Variants in GLMN observed in about 807,000 individuals in gnomAD.
GLMN encodes the protein glomulin.
Under a neutral mutation model 87.8 loss-of-function variants are expected in GLMN, and 75 were observed. That is an observed-to-expected ratio of 0.85 (90% CI 0.71 to 1.04). The LOEUF is 1.04. GLMN is among the 50% of genes least tolerant of loss of function. The pLI is 0.00. For missense variants in GLMN, 588 were observed against 658.8 expected (o/e 0.89, Z 1.18); for synonymous variants, 206 against 221.6 (o/e 0.93, Z 0.63).
chr1:92,269,662 C>A, intron 9 of GLMN, 61 bp downstream of exon 9: 1 of 1,097,604 alleles, frequency 9.1e-7, no homozygotes, highest in South Asian at 1.2e-5. Context: ...CTCCGCTGAT[C>A]TTAACAAGGA....
chr1:92,350,012 C>G, the GLMN span, among the ~76,000 whole-genome samples: 44 of 152,136 alleles, frequency 2.9e-4, no homozygotes, highest in Admixed American at 2.9e-3. Flanking sequence ...AGAAAAAAAT[C>G]TGACCAGTTG....
chr1:92,295,863 C>T (rs1429187012), intron 3 of GLMN, among the ~76,000 whole-genome samples: 1 of 152,062 alleles, frequency 6.6e-6, no homozygotes, highest in Non-Finnish European at 1.5e-5. Context: ...TGTAAACATG[C>T]AATAAATATT....
chr1:92,300,401 T>TA (rs1387678164), upstream of GLMN, among the ~76,000 whole-genome samples: 1 of 152,180 alleles, frequency 6.6e-6, no homozygotes, highest in Non-Finnish European at 1.5e-5. Context: ...CATAGACTGT[T>TA]ACATTCCTCT....
At chr1:92,338,667 TA>T in the GLMN span, among the ~76,000 whole-genome samples, 2 of 139,148 alleles carry the variant, frequency 1.4e-5, no homozygotes, top group African/African-American at 2.6e-5. Flanking sequence ...TTTTTTTTTT[TA>T]AAGACAGGGT....
chr1:92,331,841 C>T, the GLMN span, among the ~76,000 whole-genome samples: 1 of 151,480 alleles, frequency 6.6e-6, no homozygotes, highest in Non-Finnish European at 1.5e-5. Context: ...AGAATTTTCT[C>T]AGTTTTTCTT....
At chr1:92,358,716 C>T in the GLMN span, among the ~76,000 whole-genome samples, 17 of 151,880 alleles carry the variant, frequency 1.1e-4, no homozygotes, top group African/African-American at 4.1e-4. Flanking sequence ...GCCTCCCGTG[C>T]AGCTGGGACC....
chr1:92,328,825 C>T, the GLMN span, among the ~76,000 whole-genome samples: 1 of 152,206 alleles, frequency 6.6e-6, no homozygotes, highest in African/African-American at 2.4e-5. Flanking sequence ...ATTCTTTTGT[C>T]CCACAGGGTG....
the GLMN span, among the ~76,000 whole-genome samples, chr1:92,368,564 G>A: frequency 6.6e-6 from 1 of 152,138 alleles, no homozygotes; most frequent in Admixed American, 6.6e-5. Flanking sequence ...TACTTCTGAG[G>A]TTTAGTCAAG....
At chr1:92,336,215 G>T in the GLMN span, 1 of 653,378 alleles carries the variant, frequency 1.5e-6, no homozygotes, top group East Asian at 2.8e-5. Flanking sequence ...CATAACCTAG[G>T]TTAACCTTTA....
the GLMN span, chr1:92,323,548 A>G: frequency 1.8e-5 from 29 of 1,613,644 alleles, no homozygotes; most frequent in Admixed American, 2.0e-4. Flanking sequence ...TAGTTCTTCT[A>G]GCACTCACAG....
the GLMN span, among the ~76,000 whole-genome samples, chr1:92,306,136 T>C: frequency 9.9e-5 from 15 of 152,232 alleles, no homozygotes; most frequent in South Asian, 2.9e-3. Context: ...AAAGGACAAA[T>C]ACTGTATGCT....
At chr1:92,320,557 A>G in the GLMN span, 1 of 1,591,824 alleles carries the variant, frequency 6.3e-7, no homozygotes. Flanking sequence ...GGCATGAGCC[A>G]CCGCACCCGG....
Position 92,262,946 on chromosome 1 carries a change from GTTAC to G in GLMN, c.1410-24_1410-21del, listed in dbSNP as rs769942601. 3.0e-4 allele frequency: 272 copies of G among 905,082 alleles called. No individual in the cohort carries two copies. In the African/African-American group the frequency reaches 3.7e-3, roughly 12 times the overall value. The allele number at this position is 905,082 out of a possible 1,614,324, so 56.1% of individuals were successfully genotyped here. A position where few individuals can be genotyped will look rare whatever the true frequency, so the allele number is the denominator to read the frequency against. On this transcript the variant is annotated intron_variant, in intron 15 of 18. Coordinates refer to ENST00000370360, the MANE Select transcript of GLMN (RefSeq NM_053274.3). Reference sequence around the variant, plus strand: ...ATAATCCTGTTAATTAAAAATATATGTTACTTACAGTATGGTTTTATATAGTCAA... The same window carrying G: ...ATAATCCTGTTAATTAAAAATATATGTTACAGTATGGTTTTATATAGTCAA...
At chr1:92,300,313 T>C (rs1650729171), upstream of GLMN, 33 of 1,182,986 alleles carry the variant, frequency 2.8e-5, no homozygotes, top group Admixed American at 1.5e-4. Flanking sequence ...TTTAAAACAA[T>C]AATGGTTACC....
chr1:92,269,572 G>GTC lies in GLMN; in HGVS notation c.977+149_977+150dup, dbSNP rs1656015733. The GTC allele has an allele frequency of 1.3e-5, 8 of 632,450 alleles. No homozygotes were observed. The East Asian group carries it at 2.0e-4, about 16-fold the overall frequency. The allele number at this position is 632,450 out of a possible 1,614,324, so 39.2% of individuals were successfully genotyped here. A position where few individuals can be genotyped will look rare whatever the true frequency, so the allele number is the denominator to read the frequency against. Reference sequence around the variant, plus strand: ...TGTAAAACCTCCTTGACTCATTTCTGTCTCTCTCGTGAATTATTTGCCTCG... The same window carrying GTC: ...TGTAAAACCTCCTTGACTCATTTCTGTCTCTCTCTCGTGAATTATTTGCCTCG... On this transcript the variant is annotated intron_variant, in intron 9 of 18. Coordinates refer to ENST00000370360, the MANE Select transcript of GLMN (RefSeq NM_053274.3).
the GLMN span, among the ~76,000 whole-genome samples, chr1:92,317,061 TG>T: frequency 2.0e-5 from 3 of 152,206 alleles, no homozygotes; most frequent in Non-Finnish European, 4.4e-5. Flanking sequence ...GTGGTATCCT[TG>T]CAACTTTTTT....
chr1:92,263,486 T>C, intron 15 of GLMN, 137 bp downstream of exon 15: 1 of 689,196 alleles, frequency 1.5e-6, no homozygotes, highest in Non-Finnish European at 2.6e-6. Context: ...ATATGAAAAA[T>C]CTTTATGTAA....
At chr1:92,329,053 G>T in the GLMN span, among the ~76,000 whole-genome samples, 23 of 152,184 alleles carry the variant, frequency 1.5e-4, no homozygotes, top group African/African-American at 5.3e-4. Flanking sequence ...GGAGTGAAGT[G>T]GACTCTGTGA....
intron 7 of GLMN, 114 bp from the exon 8 acceptor site, chr1:92,271,766 C>A: frequency 1.3e-6 from 1 of 743,136 alleles, no homozygotes. Flanking sequence ...TCCCTTTGAG[C>A]GTGAGTGGGA....
Sources: allele counts gnomAD v4.1 joint callset (sites outside exome capture counted in the v4.1 genomes callset), GRCh38; gene constraint gnomAD v4.1.1; transcripts MANE v1.5; gene names NCBI Gene and HGNC (gene_info 2026-07-23, HGNC 2026-07-21).